Variants in CP observed in about 807,000 individuals in gnomAD.
CP encodes the protein caeruloplasmin.
A neutral mutation model predicts 122.4 loss-of-function variants in CP; 64 were observed. The ratio of observed to expected loss-of-function variants is 0.52; its 90% CI spans 0.43 to 0.64. CP has a LOEUF of 0.64. Among genes scored for constraint, CP ranks in the 30% least tolerant of loss-of-function variants. The pLI, the probability that CP is intolerant of heterozygous loss-of-function variation, is 0.00. For missense variants in CP, 1,167 were observed against 1,284.4 expected, an observed-to-expected ratio of 0.91 and a Z score of 1.40; for synonymous variants, 440 against 436.4, an observed-to-expected ratio of 1.01 and a Z score of -0.10.
chr3:149,187,808 G>C (rs995259445), intron 10 of CP: 2 of 470,216 alleles, frequency 4.3e-6, no homozygotes, highest in African/African-American at 3.9e-5. Flanking sequence ...TGATGCTGAG[G>C]CTGCTGATAT....
At chr3:149,196,747 T>C (rs1395699149) in intron 9 of CP, among the ~76,000 whole-genome samples, 1 of 109,890 alleles carries the variant, frequency 9.1e-6, no homozygotes, top group African/African-American at 3.5e-5. Context: ...TAAAAAAAAA[T>C]TGAGAAGCCT....
intron 7 of CP, among the ~76,000 whole-genome samples, chr3:149,200,696 A>T (rs1442754607): frequency 6.7e-6 from 1 of 150,148 alleles, no homozygotes; most frequent in Admixed American, 6.6e-5. Context: ...TTTTTAGTAG[A>T]GATGGGGTTT....
At chr3:149,217,864 A>G (rs962395935) in intron 1 of CP, 2 of 442,584 alleles carry the variant, frequency 4.5e-6, no homozygotes, top group African/African-American at 4.2e-5. Flanking sequence ...AATTATGATT[A>G]CCGTAAGGTG....
chr3:149,183,536 C>A lies in CP; in HGVS notation c.2355G>T (p.Arg785=). The change falls in exon 13 of 19, where the codon CGG becomes CGT. Residue 785 remains arginine, a synonymous_variant. Transcript: ENST00000264613. Reference sequence around the variant, plus strand: ...CACGGAATGTGCTATCAGTATACTGCCGATACACAACTTTCTTGTACTTTG... The same window carrying A: ...CACGGAATGTGCTATCAGTATACTGACGATACACAACTTTCTTGTACTTTG... ...IGSKYKKVVY[R]QYTDSTFRVP... is the part of the protein sequence containing the mutation. The A allele has an allele frequency of 1.2e-6, 2 of 1,610,920 alleles. No individual in the cohort carries two copies. Among genetic ancestry groups the A allele is most frequent in the Non-Finnish European group, 1.7e-6 (2 of 1,178,702 alleles).
chr3:149,218,351 T>G (rs1728595232), intron 1 of CP, among the ~76,000 whole-genome samples: 1 of 152,220 alleles, frequency 6.6e-6, no homozygotes, highest in South Asian at 2.1e-4. Context: ...TATAAAGTCT[T>G]TAACTACTTA....
intron 1 of CP, among the ~76,000 whole-genome samples, chr3:149,214,303 C>T (rs1042696548): frequency 2.0e-5 from 3 of 152,102 alleles, no homozygotes; most frequent in African/African-American, 7.2e-5. Context: ...GTCCTGGTGG[C>T]TGAGTTTGGG....
intron 8 of CP, among the ~76,000 whole-genome samples, chr3:149,199,087 T>C (rs945370974): frequency 6.6e-6 from 1 of 152,208 alleles, no homozygotes; most frequent in African/African-American, 2.4e-5. Context: ...CTGCAAGTGG[T>C]AGCAAAGTCA....
At chr3:149,205,143 C>A (rs701752) in intron 6 of CP, among the ~76,000 whole-genome samples, 143,632 of 151,186 alleles carry the variant, frequency 0.95, 68,261 homozygotes, top group East Asian at 1. Context: ...ATGCAAATCA[C>A]AACCACTATG....
chr3:149,206,334 A>G lies in CP; in HGVS notation c.1042T>C (p.Leu348=). The G allele has an allele frequency of 6.2e-7, 1 of 1,613,904 alleles. No individual in the cohort carries two copies. Among genetic ancestry groups the G allele is most frequent in the Non-Finnish European group, 8.5e-7 (1 of 1,179,782 alleles). ...TCCTGGACCTGGAAAAAGGCTTGCA[A>G]ACCGGCTGAAATGAAACAGAAAGAG... is the stretch of plus-strand genomic sequence containing the variant. ...CQNLNHLKAG[L]QAFFQVQECN... The change falls in exon 6 of 19, where the codon TTG becomes CTG. Residue 348 remains leucine (L), a synonymous_variant. Transcript: ENST00000264613.
At chr3:149,190,321 C>A (rs1217103532) in intron 9 of CP, among the ~76,000 whole-genome samples, 2 of 151,988 alleles carry the variant, frequency 1.3e-5, no homozygotes, top group Non-Finnish European at 2.9e-5. Context: ...GAAAGAAGTG[C>A]CTGACTGGAC....
intron 9 of CP, among the ~76,000 whole-genome samples, chr3:149,190,609 G>A (rs1726476653): frequency 7.5e-6 from 1 of 134,212 alleles, no homozygotes; most frequent in Non-Finnish European, 1.5e-5. Flanking sequence ...AGTGAGCTGA[G>A]ATCACACCAC....
chr3:149,189,704 C>T (rs1197399935), intron 9 of CP, among the ~76,000 whole-genome samples: 1 of 151,768 alleles, frequency 6.6e-6, no homozygotes. Flanking sequence ...TAAAGAACAA[C>T]AAAAGTCATT....
intron 4 of CP, chr3:149,167,276 A>C (rs1176798095): frequency 1.3e-6 from 2 of 1,515,724 alleles, no homozygotes; most frequent in Admixed American, 3.7e-5. Context: ...AGGCTTGATC[A>C]GTGATAATCA....
intron 9 of CP, among the ~76,000 whole-genome samples, chr3:149,195,517 G>A (rs1048293148): frequency 6.6e-6 from 1 of 152,158 alleles, no homozygotes; most frequent in African/African-American, 2.4e-5. Flanking sequence ...AATGAGGAAT[G>A]AGCAATATTT....
chr3:149,177,243 A>C (rs143125623), intron 17 of CP, among the ~76,000 whole-genome samples: 2 of 152,168 alleles, frequency 1.3e-5, no homozygotes, highest in Admixed American at 1.3e-4. Flanking sequence ...ACTCTCATCC[A>C]TCATTATGTG....
Position 149,202,125 on chromosome 3 carries a change from T to A in CP, c.1325A>T (p.Glu442Val). Residue 442 changes from glutamate (E) to valine (V), a missense_variant, in exon 7 of 19, where the codon GAA (glutamate) becomes GTA (valine). By Grantham distance (121) the Glu-to-Val change is moderately radical (BLOSUM62 -2). This residue lies in a region of CP where 642 missense variants were observed against 627.3 expected (regional missense o/e 1.02). Transcript: ENST00000264613. ...SFTNRKERGPEEEHLGILGPV... is the reference protein window; with the variant it reads ...SFTNRKERGPVEEHLGILGPV... ...ACCCAGGATGCCAAGATGCTCTTCT[T>A]CAGGGCCTCTCTCCTTTCGATTTGT... 1 of 1,614,158 alleles carries A rather than the reference T, an allele frequency of 6.2e-7. No individual in the cohort carries two copies. Among genetic ancestry groups the A allele is most frequent in the East Asian group, 2.2e-5 (1 of 44,878 alleles).
In CP at chr3:149,221,748, G is replaced by T; in HGVS notation, c.45C>A (p.Thr15=). 1 of 1,613,458 alleles carries T rather than the reference G, an allele frequency of 6.2e-7. No individual in the cohort carries two copies. The highest frequency in any genetic ancestry group is 1.3e-5 in the African/African-American group (1 of 74,940). The change falls in exon 1 of 19, where the codon ACC becomes ACA. Residue 15 remains threonine, a synonymous_variant. Transcript: ENST00000264613. ...AATGCTTTTCTTTCGCCCAGGCTGG[G>T]GTACTACATAAAAACAGAAAAATAC... The part of the protein sequence containing the change: ...ILGIFLFLCS[T]PAWAKEKHYY...
rs778921145 is a variant in CP, at chr3:149,186,619, A to G, written c.1978T>C (p.Phe660Leu). 6.2e-7 allele frequency: 1 copy of G among 1,614,148 alleles called. No homozygotes were observed. Among genetic ancestry groups the G allele is most frequent in the Admixed American group, 1.7e-5 (1 of 60,012 alleles). Residue 660 changes from phenylalanine (F) to leucine (L), a missense_variant, in exon 11 of 19, where the codon TTT becomes CTT. Physicochemically the swap from Phe to Leu is conservative, Grantham distance 22. Transcript: ENST00000264613. ...CTCCACAGATATGTGTTTCCTGAAA[A>G]GTATATTCCATGTACATCGGCCTCA... ...GNEADVHGIY[F>L]SGNTYLWRGE...
intron 6 of CP, among the ~76,000 whole-genome samples, chr3:149,203,357 TG>T (rs1006851828): frequency 6.6e-6 from 1 of 152,108 alleles, no homozygotes; most frequent in African/African-American, 2.4e-5. Flanking sequence ...TCTGCCTCTC[TG>T]GTTCAAGTGA....
Sources: allele counts gnomAD v4.1 joint callset (sites outside exome capture counted in the v4.1 genomes callset), GRCh38; gene constraint gnomAD v4.1.1; regional missense constraint gnomAD v4.1.1; transcripts MANE v1.5; gene names NCBI Gene and HGNC (gene_info 2026-07-23, HGNC 2026-07-21).